Variants in ZNF236 observed in about 807,000 individuals in gnomAD.
ZNF236 encodes regulated by glucose.
Under a neutral mutation model 191.2 loss-of-function variants are expected in ZNF236, and 50 were observed. That is an observed-to-expected ratio of 0.26 (90% CI 0.21 to 0.33). The LOEUF is 0.33. ZNF236 is among the 10% of genes least tolerant of loss of function. The probability of loss-of-function intolerance (pLI) is 1.00; values close to 1 mark genes in which losing one functional copy is unlikely to be tolerated. For missense variants in ZNF236, 1,754 were observed against 2,374.5 expected (o/e 0.74, Z 5.43); for synonymous variants, 907 against 928.8 (o/e 0.98, Z 0.43).
intron 4 of ZNF236, among the ~76,000 whole-genome samples, chr18:76,869,387 G>A (rs982381979): frequency 6.6e-6 from 1 of 152,144 alleles, no homozygotes; most frequent in African/African-American, 2.4e-5. Flanking sequence ...TTATAAGTCA[G>A]GAGTTTGAAA....
At chr18:76,858,571 A>C (rs187695353) in intron 3 of ZNF236, among the ~76,000 whole-genome samples, 1 of 152,352 alleles carries the variant, frequency 6.6e-6, no homozygotes, top group East Asian at 1.9e-4. Flanking sequence ...GGGAGCAGTT[A>C]GTTTTGAACA....
In ZNF236 at chr18:76,895,985, G is replaced by A. The variant is rs566394007; in HGVS notation, c.1690+700G>A. 9.2e-5 allele frequency among the ~76,000 whole-genome samples: 14 copies of A among 151,438 alleles called. 1 individual carries two copies. The South Asian group carries it at 2.5e-3, about 27-fold the overall frequency. On this transcript the variant is annotated intron_variant, in intron 10 of 30. Coordinates refer to ENST00000320610, the MANE Select transcript of ZNF236 (RefSeq NM_001306089.2). ...GTATGGCCCGCAGTGCTGCAGCCAC[G>A]TGGGCACTGGCCACAGGGACCGTAC...
At chr18:76,863,051 A>G (rs1021448340) in intron 3 of ZNF236, among the ~76,000 whole-genome samples, 8 of 152,228 alleles carry the variant, frequency 5.3e-5, no homozygotes, top group African/African-American at 1.9e-4. Context: ...GAAAAATCCC[A>G]TGATTGAACT....
intron 10 of ZNF236, among the ~76,000 whole-genome samples, chr18:76,895,649 T>C (rs1171902226): frequency 6.6e-6 from 1 of 151,138 alleles, no homozygotes; most frequent in Admixed American, 6.6e-5. Flanking sequence ...GCACAGGTAC[T>C]GCACACAAGT....
chr18:76,854,490 T>G (rs1304827588), intron 3 of ZNF236, among the ~76,000 whole-genome samples: 1 of 151,782 alleles, frequency 6.6e-6, no homozygotes. Flanking sequence ...CGGGTGGGTG[T>G]GGCAGCTCAT....
chr18:76,959,622 C>T, intron 28 of ZNF236, 65 bp from the exon 29 acceptor site: 1 of 1,534,172 alleles, frequency 6.5e-7, no homozygotes, highest in Non-Finnish European at 8.8e-7. Context: ...GATTTGCTTC[C>T]TCTTGTTTCT....
In ZNF236 at chr18:76,831,491, A is replaced by G. The variant is rs183649937; in HGVS notation, c.55+8829A>G. On this transcript the variant is annotated intron_variant, in intron 1 of 30. Coordinates refer to ENST00000320610, the MANE Select transcript of ZNF236 (RefSeq NM_001306089.2). ...TTTTAGCAATATGAGTAAAGTTGCT[A>G]TAAATATTTGTGTGCAGGTTTGTGT... Among the ~76,000 whole-genome samples, 16 of 152,324 alleles carry G rather than the reference A, an allele frequency of 1.1e-4. No individual in the cohort carries two copies. The East Asian group carries it at 2.7e-3, about 26-fold the overall frequency.
At chr18:76,958,329 T>G (rs913039318) in intron 28 of ZNF236, among the ~76,000 whole-genome samples, 3 of 152,158 alleles carry the variant, frequency 2.0e-5, no homozygotes, top group Non-Finnish European at 2.9e-5. Flanking sequence ...ACTGCACCCT[T>G]CGAGGAGTGC....
At chr18:76,929,888 A>C (rs1260658030) in intron 25 of ZNF236, among the ~76,000 whole-genome samples, 2 of 152,214 alleles carry the variant, frequency 1.3e-5, no homozygotes, top group South Asian at 4.1e-4. Context: ...TAGGATTATA[A>C]ATGCATGCAA....
At chr18:76,868,619 T>A in intron 3 of ZNF236, 66 bp from the exon 4 acceptor site, 1 of 1,369,650 alleles carries the variant, frequency 7.3e-7, no homozygotes, top group South Asian at 1.4e-5. Flanking sequence ...CCGTTGATCA[T>A]ACCAGTTCTT....
intron 17 of ZNF236, 79 bp downstream of exon 17, chr18:76,912,426 G>A: frequency 1.0e-6 from 1 of 974,452 alleles, no homozygotes; most frequent in Non-Finnish European, 1.6e-6. Context: ...CCCGCTCCAA[G>A]GGCTCTGCGA....
At chr18:76,964,528 A>G (rs1043057105) in intron 30 of ZNF236, among the ~76,000 whole-genome samples, 1 of 152,198 alleles carries the variant, frequency 6.6e-6, no homozygotes, top group African/African-American at 2.4e-5. Context: ...AATATAATGT[A>G]TATTCTGCAG....
intron 1 of ZNF236, among the ~76,000 whole-genome samples, chr18:76,844,992 C>T (rs1975631686): frequency 6.6e-6 from 1 of 152,164 alleles, no homozygotes; most frequent in African/African-American, 2.4e-5. Flanking sequence ...TTGGCAGGCC[C>T]TTGTCCTAGT....
At chr18:76,829,456 T>A (rs565387528) in intron 1 of ZNF236, among the ~76,000 whole-genome samples, 1 of 152,042 alleles carries the variant, frequency 6.6e-6, no homozygotes, top group South Asian at 2.1e-4. Flanking sequence ...GCCTCCTGAG[T>A]ACCTGGCACT....
At chr18:76,826,416 G>A (rs1385949159) in intron 1 of ZNF236, among the ~76,000 whole-genome samples, 3 of 151,012 alleles carry the variant, frequency 2.0e-5, no homozygotes, top group African/African-American at 7.3e-5. Flanking sequence ...GAGCTACCGC[G>A]ACCGGCCTGG....
chr18:76,939,317 A>C (rs1327388034), intron 26 of ZNF236, among the ~76,000 whole-genome samples: 1 of 152,164 alleles, frequency 6.6e-6, no homozygotes, highest in East Asian at 1.9e-4. Flanking sequence ...TGGGCAACAG[A>C]GTGAGAGTCC....
At chr18:76,833,975 G>A (rs1271941457) in intron 1 of ZNF236, among the ~76,000 whole-genome samples, 1 of 152,176 alleles carries the variant, frequency 6.6e-6, no homozygotes, top group Admixed American at 6.5e-5. Context: ...ACAGGCATGA[G>A]CCACCATGAC....
intron 27 of ZNF236, among the ~76,000 whole-genome samples, chr18:76,953,524 G>T (rs1319098719): frequency 6.6e-6 from 1 of 152,180 alleles, no homozygotes. Flanking sequence ...AAGTCACCCT[G>T]CCAATAGAGA....
intron 11 of ZNF236, among the ~76,000 whole-genome samples, chr18:76,903,560 G>C (rs1315741548): frequency 1.3e-5 from 2 of 152,156 alleles, no homozygotes; most frequent in African/African-American, 4.8e-5. Context: ...GAGAGCTGTG[G>C]GCAGAGGACA....
Sources: gnomAD v4.1 joint callset for allele counts (sites outside exome capture counted in the v4.1 genomes callset) on GRCh38, gnomAD v4.1.1 for gene constraint, MANE v1.5 for transcripts, NCBI Gene and HGNC (gene_info 2026-07-23, HGNC 2026-07-21) for gene names.